CGNL1: variants seen among roughly 807,000 people sequenced by gnomAD.
CGNL1 encodes the protein cingulin-like protein 1.
A neutral mutation model predicts 141.2 loss-of-function variants in CGNL1; 132 were observed. The observed-to-expected ratio is 0.93, with a 90% CI of 0.81 to 1.08. The LOEUF is 1.08. Among genes scored for constraint, CGNL1 ranks in the 50% least tolerant of loss-of-function variants. The pLI, the probability that CGNL1 is intolerant of heterozygous loss-of-function variation, is 0.00. For missense variants in CGNL1, 1,870 were observed against 1,588.6 expected, an observed-to-expected ratio of 1.18 and a Z score of -3.01; for synonymous variants, 690 against 622.1, an observed-to-expected ratio of 1.11 and a Z score of -1.63.
At chr15:57,464,755 C>CTT (rs1349848682) in intron 8 of CGNL1, among the ~76,000 whole-genome samples, 1 of 97,108 alleles carries the variant, frequency 1.0e-5, no homozygotes, top group East Asian at 2.8e-4. Flanking sequence ...CTCTTTCCTT[C>CTT]TTTTTTTTTT....
chr15:57,514,036 T>A (rs561748729), intron 8 of CGNL1, among the ~76,000 whole-genome samples: 1 of 152,346 alleles, frequency 6.6e-6, no homozygotes, highest in African/African-American at 2.4e-5. Context: ...TCCTAGTGGA[T>A]GTGGAGTGGT....
intron 8 of CGNL1, among the ~76,000 whole-genome samples, chr15:57,511,908 A>C (rs2030342679): frequency 6.6e-6 from 1 of 152,224 alleles, no homozygotes; most frequent in South Asian, 2.1e-4. Flanking sequence ...AATTATTAAA[A>C]ACTGTGTGCT....
chr15:57,442,442 G>C lies in CGNL1; in HGVS notation c.1767G>C (p.Lys589Asn), dbSNP rs370085106. 4.3e-6 allele frequency: 7 copies of C among 1,613,426 alleles called. No individual in the cohort carries two copies. The highest frequency in any genetic ancestry group is 5.9e-6 in the Non-Finnish European group (7 of 1,179,604). ...TCTTTGAGAAAATCCAGACCTTAAA[G>C]TCTCGAGCAGCTGGGAGCGCCCAAG... ...NLVFEKIQTL[K>N]SRAAGSAQGN... Residue 589 changes from lysine to asparagine, a missense_variant, in exon 4 of 19, where the codon AAG (lysine) becomes AAC (asparagine). Physicochemically the swap from Lys to Asn is moderately conservative, Grantham distance 94. Coordinates refer to ENST00000281282, the MANE Select transcript of CGNL1 (RefSeq NM_032866.5).
In CGNL1 at chr15:57,487,986, C is replaced by T. The variant is rs551085290; in HGVS notation, c.2403+26094C>T. ...AACTGAGGAATTCCCAAAATGTTTTCCAAAGTGACAGAACCATTTCTCATT... is the reference window on the plus strand; with the variant it reads ...AACTGAGGAATTCCCAAAATGTTTTTCAAAGTGACAGAACCATTTCTCATT... On this transcript the variant is annotated intron_variant, in intron 8 of 18. Coordinates refer to ENST00000281282, the MANE Select transcript of CGNL1 (RefSeq NM_032866.5). 5.9e-5 allele frequency among the ~76,000 whole-genome samples: 9 copies of T among 152,220 alleles called. No individual in the cohort carries two copies. In the South Asian group the frequency reaches 1.9e-3, roughly 32 times the overall value.
chr15:57,505,319 A>G (rs1159024883), intron 8 of CGNL1, among the ~76,000 whole-genome samples: 1 of 152,138 alleles, frequency 6.6e-6, no homozygotes, highest in Non-Finnish European at 1.5e-5. Flanking sequence ...TGGATCCGTA[A>G]CGCCACCCTG....
intron 1 of CGNL1, among the ~76,000 whole-genome samples, chr15:57,423,403 A>C (rs1351361171): frequency 6.6e-6 from 1 of 151,710 alleles, no homozygotes; most frequent in Non-Finnish European, 1.5e-5. Flanking sequence ...GCTGAAGGGG[A>C]AGAGTGTGGG....
chr15:57,456,601 A>G (rs1278341285), intron 7 of CGNL1, among the ~76,000 whole-genome samples: 2 of 151,598 alleles, frequency 1.3e-5, no homozygotes, highest in African/African-American at 2.4e-5. Flanking sequence ...TGACTTTGTT[A>G]TTCTTAGTTA....
chr15:57,546,016 A>C, intron 17 of CGNL1, 60 bp from the exon 18 acceptor site: 1 of 1,560,044 alleles, frequency 6.4e-7, no homozygotes. Context: ...ACCTGGGGTA[A>C]GCTGAGCGCT....
At chr15:57,415,736 C>T (rs1224420258) in intron 1 of CGNL1, among the ~76,000 whole-genome samples, 15 of 152,206 alleles carry the variant, frequency 9.9e-5, no homozygotes, top group Admixed American at 5.9e-4. Context: ...ACGGGCCCAA[C>T]GTAGAGCATG....
chr15:57,545,535 G>A, intron 16 of CGNL1, 57 bp from the exon 17 acceptor site: 2 of 1,504,236 alleles, frequency 1.3e-6, no homozygotes, highest in Non-Finnish European at 1.8e-6. Context: ...AGCCTAGGCT[G>A]GGCCCCCTGC....
rs117610945 is a variant in CGNL1, at chr15:57,379,551, G to A, written c.-16+2984G>A. Among the ~76,000 whole-genome samples the A allele has an allele frequency of 5.3e-5, 8 of 152,236 alleles. No individual in the cohort carries two copies. The East Asian group carries it at 7.7e-4, about 15-fold the overall frequency. On this transcript the variant is annotated intron_variant, in intron 1 of 18. Coordinates refer to ENST00000281282, the MANE Select transcript of CGNL1 (RefSeq NM_032866.5). ...AATGGCCTCCTAACTCTCTTTCCCC[G>A]TGAAACCCATTTATCTAAGAGATGC...
chr15:57,422,187 C>G (rs1346395217), intron 1 of CGNL1, among the ~76,000 whole-genome samples: 1 of 151,326 alleles, frequency 6.6e-6, no homozygotes, highest in East Asian at 2.0e-4. Context: ...TTCCTTTTTT[C>G]TCTTCAGTTT....
At chr15:57,388,253 C>T (rs1197240591) in intron 1 of CGNL1, among the ~76,000 whole-genome samples, 1 of 152,120 alleles carries the variant, frequency 6.6e-6, no homozygotes, top group East Asian at 1.9e-4. Flanking sequence ...GAAGAGGAAG[C>T]AGGCTGCTTT....
chr15:57,542,043 A>T (rs1487304276), intron 14 of CGNL1, among the ~76,000 whole-genome samples: 1 of 152,094 alleles, frequency 6.6e-6, no homozygotes, highest in Non-Finnish European at 1.5e-5. Flanking sequence ...TGTGTGACAC[A>T]CCTCGGTCAG....
intron 8 of CGNL1, among the ~76,000 whole-genome samples, chr15:57,490,592 G>T (rs191554027): frequency 6.6e-6 from 1 of 152,218 alleles, no homozygotes; most frequent in East Asian, 1.9e-4. Flanking sequence ...TACATAAATG[G>T]GGAATAATAG....
chr15:57,481,163 TA>T (rs554664674), intron 8 of CGNL1, among the ~76,000 whole-genome samples: 16 of 149,030 alleles, frequency 1.1e-4, no homozygotes, highest in Admixed American at 2.0e-4. Flanking sequence ...TATGCAATTG[TA>T]AAAAAAAATA....
chr15:57,500,978 T>A (rs2064015728), intron 8 of CGNL1, among the ~76,000 whole-genome samples: 1 of 152,196 alleles, frequency 6.6e-6, no homozygotes, highest in South Asian at 2.1e-4. Context: ...AAATAGTGTG[T>A]ATTAACTATA....
intron 8 of CGNL1, among the ~76,000 whole-genome samples, chr15:57,462,216 T>C (rs1215252235): frequency 6.6e-6 from 1 of 152,112 alleles, no homozygotes; most frequent in Admixed American, 6.5e-5. Context: ...TTCCTAACGG[T>C]CAGAGGCCGA....
chr15:57,408,768 G>A (rs2062751781), intron 1 of CGNL1, among the ~76,000 whole-genome samples: 3 of 152,116 alleles, frequency 2.0e-5, no homozygotes, highest in Admixed American at 2.0e-4. Flanking sequence ...AGACACAGTG[G>A]CTCATGCCTG....
Sources: allele counts gnomAD v4.1 joint callset (sites outside exome capture counted in the v4.1 genomes callset), GRCh38; gene constraint gnomAD v4.1.1; transcripts MANE v1.5; gene names NCBI Gene and HGNC (gene_info 2026-07-23, HGNC 2026-07-21).